SYTL3: variants seen among roughly 807,000 people sequenced by gnomAD.
The protein encoded by SYTL3 is synaptotagmin-like protein 3.
In SYTL3, 88 loss-of-function variants were observed where a neutral mutation model predicts 82.1. That is an observed-to-expected ratio of 1.07 (90% CI 0.90 to 1.28). The LOEUF (loss-of-function observed/expected upper bound fraction) is 1.28, where lower values mean the gene tolerates loss of function less well. SYTL3 is among the 50% of genes most tolerant of loss of function. The probability of loss-of-function intolerance (pLI) is 0.00; values close to 1 mark genes in which losing one functional copy is unlikely to be tolerated. For synonymous variants in SYTL3, 311 were observed against 289.4 expected (o/e 1.07, Z -0.76); for missense variants, 831 against 757.6 (o/e 1.10, Z -1.14).
chr6:158,761,297 A>ATTTC (rs1200186768), intron 15 of SYTL3, among the ~76,000 whole-genome samples: 1 of 71,822 alleles, frequency 1.4e-5, no homozygotes, highest in South Asian at 4.0e-4. Context: ...GAGAATGCAC[A>ATTTC]TTTCTTTTTT....
chr6:158,659,567 C>A (rs532006689), intron 2 of SYTL3, among the ~76,000 whole-genome samples: 4 of 152,266 alleles, frequency 2.6e-5, no homozygotes, highest in Admixed American at 1.3e-4. Flanking sequence ...GTTGGTCAGG[C>A]TGGTCTCCAA....
intron 5 of SYTL3, among the ~76,000 whole-genome samples, chr6:158,672,246 G>A (rs2128385235): frequency 6.6e-6 from 1 of 152,230 alleles, no homozygotes; most frequent in Admixed American, 6.5e-5. Flanking sequence ...AGCCGAGATT[G>A]CACTACTGCA....
intron 8 of SYTL3, among the ~76,000 whole-genome samples, chr6:158,710,815 C>T (rs189267215): frequency 2.1e-4 from 31 of 148,958 alleles, no homozygotes; most frequent in Non-Finnish European, 4.1e-4. Context: ...TGGAGTTTCA[C>T]TCTTGTCCAG....
At position 158,725,519 on chromosome 6, in the gene SYTL3, A is replaced by G; in HGVS notation, c.737A>G (p.Asp246Gly). 2 of 1,614,130 alleles carry G rather than the reference A, an allele frequency of 1.2e-6. No individual in the cohort carries two copies. Among genetic ancestry groups the G allele is most frequent in the Non-Finnish European group, 8.5e-7 (1 of 1,180,032 alleles). ...CTTCTCCAGAAGGTCAGTGCACCAG[A>G]TATTCTGAAACCTCTCAATCAAGAG... ...NVTTRKVSAPDILKPLNQEDP... is the reference protein window; with the variant it reads ...NVTTRKVSAPGILKPLNQEDP... Residue 246 changes from aspartate to glycine, a missense_variant, in exon 11 of 18, where the codon GAT becomes GGT. Physicochemically the swap from Asp to Gly is moderately conservative, Grantham distance 94. Coordinates refer to ENST00000611299, the MANE Select transcript of SYTL3 (RefSeq NM_001242394.2).
At chr6:158,746,428 G>A (rs1336335285) in intron 12 of SYTL3, among the ~76,000 whole-genome samples, 1 of 135,908 alleles carries the variant, frequency 7.4e-6, no homozygotes, top group East Asian at 2.0e-4. Context: ...ACATGAAAAG[G>A]TGTAGCACCA....
chr6:158,732,687 G>A lies in SYTL3; in HGVS notation c.855+7050G>A, dbSNP rs193047949. ...TCCAATGACGAAGGAAAAATTTGGC[G>A]TACCTTAAAGACTTAATAGGATGCA... On this transcript the variant is annotated intron_variant, in intron 11 of 17. Transcript: ENST00000611299. Among the ~76,000 whole-genome samples, 9 of 152,204 alleles carry A rather than the reference G, an allele frequency of 5.9e-5. No homozygotes were observed. The East Asian group carries it at 1.3e-3, about 23-fold the overall frequency.
intron 12 of SYTL3, among the ~76,000 whole-genome samples, chr6:158,747,581 T>C (rs1413417838): frequency 6.6e-6 from 1 of 152,204 alleles, no homozygotes; most frequent in Non-Finnish European, 1.5e-5. Context: ...TCCTGAGTAG[T>C]TGGGAGGCAC....
At chr6:158,646,072 G>A (rs1210217152), upstream of SYTL3, among the ~76,000 whole-genome samples, 2 of 152,196 alleles carry the variant, frequency 1.3e-5, no homozygotes, top group African/African-American at 4.8e-5. Flanking sequence ...ATTCACTAAT[G>A]TATCCCCTTC....
At chr6:158,688,735 G>GTGTA (rs1289053726) in intron 6 of SYTL3, among the ~76,000 whole-genome samples, 7 of 152,190 alleles carry the variant, frequency 4.6e-5, no homozygotes, top group Admixed American at 1.3e-4. Context: ...TCTTTTGTGA[G>GTGTA]TGTATGTATC....
intron 5 of SYTL3, among the ~76,000 whole-genome samples, chr6:158,677,545 TAAAA>T (rs71542927): frequency 3.4e-5 from 5 of 146,998 alleles, no homozygotes; most frequent in Admixed American, 2.7e-4. Context: ...AAACTTATAA[TAAAA>T]AAAAAATGAG....
At chr6:158,668,245 T>TA (rs1790329313) in intron 5 of SYTL3, among the ~76,000 whole-genome samples, 4 of 151,992 alleles carry the variant, frequency 2.6e-5, no homozygotes, top group South Asian at 2.1e-4. Context: ...TTTATTTATT[T>TA]TGAGACAGAG....
intron 8 of SYTL3, among the ~76,000 whole-genome samples, chr6:158,709,281 T>C (rs561901860): frequency 6.6e-6 from 1 of 152,296 alleles, no homozygotes; most frequent in East Asian, 1.9e-4. Flanking sequence ...CATCATAGCA[T>C]AGCCTAGCCT....
chr6:158,678,626 G>A (rs879916574), intron 5 of SYTL3, among the ~76,000 whole-genome samples: 23 of 152,250 alleles, frequency 1.5e-4, no homozygotes, highest in Non-Finnish European at 7.3e-5. Context: ...CAGAATTCAG[G>A]GCTGTGAAAA....
At chr6:158,711,280 G>T (rs952481298) in intron 8 of SYTL3, among the ~76,000 whole-genome samples, 1 of 152,188 alleles carries the variant, frequency 6.6e-6, no homozygotes, top group African/African-American at 2.4e-5. Context: ...CTTCTGTTGT[G>T]TTGTGAGGAA....
At position 158,710,514 on chromosome 6, in the gene SYTL3, C is replaced by CA. The variant is rs36071364; in HGVS notation, c.516+2136dup. 8.9e-4 allele frequency among the ~76,000 whole-genome samples: 130 copies of CA among 145,386 alleles called. No individual in the cohort carries two copies. In the East Asian group the frequency reaches 0.012, roughly 13 times the overall value. ...TACTTTGAAGCATGGAGTCAGTTTT[C>CA]AAAAAAAAAAAAATGCATAACACAA... is the stretch of plus-strand genomic sequence containing the variant. On this transcript the variant is annotated intron_variant, in intron 8 of 17. Coordinates refer to ENST00000611299, the MANE Select transcript of SYTL3 (RefSeq NM_001242394.2).
Position 158,764,525 on chromosome 6 carries a change from GCTCA to G in SYTL3, c.1757_1760del (p.Ser586TyrfsTer19), listed in dbSNP as rs745386935. On this transcript the variant is annotated frameshift_variant, in exon 18 of 18. Transcript: ENST00000611299. LOFTEE classifies it high-confidence loss of function. ...GACACAGCTGTTGGCGGGGATGCAT[GCTCA>G]CTATCGAAGCTCCAGTGGCAGAAAG... 15 of 1,613,952 alleles carry G rather than the reference GCTCA, an allele frequency of 9.3e-6. No individual in the cohort carries two copies. In the East Asian group the frequency reaches 1.1e-4, roughly 12 times the overall value.
chr6:158,750,987 G>C (rs569405407), intron 12 of SYTL3, among the ~76,000 whole-genome samples: 48 of 152,192 alleles, frequency 3.2e-4, no homozygotes, highest in Admixed American at 5.9e-4. Flanking sequence ...GTAGAGACAG[G>C]GTTTCACCAT....
intron 6 of SYTL3, among the ~76,000 whole-genome samples, chr6:158,696,047 A>C (rs1400417110): frequency 1.3e-5 from 2 of 152,192 alleles, no homozygotes; most frequent in African/African-American, 2.4e-5. Context: ...TTATACTCAG[A>C]AGTGGAATTA....
At chr6:158,731,531 C>T (rs951842687) in intron 11 of SYTL3, among the ~76,000 whole-genome samples, 1 of 152,012 alleles carries the variant, frequency 6.6e-6, no homozygotes, top group Non-Finnish European at 1.5e-5. Context: ...AATCATGGGC[C>T]ATTGTTCCAA....
Sources: allele counts gnomAD v4.1 joint callset (sites outside exome capture counted in the v4.1 genomes callset), GRCh38; gene constraint gnomAD v4.1.1; transcripts MANE v1.5; gene names NCBI Gene and HGNC (gene_info 2026-07-23, HGNC 2026-07-21).